HMCN1: variants seen among roughly 807,000 people sequenced by gnomAD.
HMCN1 encodes hemicentin 1.
In HMCN1, 321 loss-of-function variants were observed where a neutral mutation model predicts 625.9. The observed-to-expected ratio is 0.51, with a 90% CI of 0.47 to 0.56. The LOEUF is 0.56. Ranked by LOEUF, HMCN1 falls within the 20% of genes least tolerant of loss-of-function variation. The pLI is 0.00. For missense variants in HMCN1, 6,588 were observed against 6,887.3 expected (o/e 0.96, Z 1.54); for synonymous variants, 2,425 against 2,417.6 (o/e 1.00, Z -0.09).
At chr1:185,880,768 G>C (rs1258305532) in intron 4 of HMCN1, among the ~76,000 whole-genome samples, 1 of 152,350 alleles carries the variant, frequency 6.6e-6, no homozygotes, top group East Asian at 1.9e-4. Context: ...GTTGGGATTT[G>C]GACCAGAAGA....
chr1:185,813,243 T>C (rs1291238990), intron 1 of HMCN1, among the ~76,000 whole-genome samples: 2 of 152,128 alleles, frequency 1.3e-5, no homozygotes, highest in Non-Finnish European at 2.9e-5. Flanking sequence ...GGAAACAGGG[T>C]AAATTAATGT....
chr1:186,046,308 A>C (rs924736493), intron 41 of HMCN1, among the ~76,000 whole-genome samples: 1 of 152,112 alleles, frequency 6.6e-6, no homozygotes, highest in Non-Finnish European at 1.5e-5. Flanking sequence ...GTCTCTACTA[A>C]AAACACAAAA....
chr1:185,845,728 A>T (rs1661771133), intron 1 of HMCN1, among the ~76,000 whole-genome samples: 1 of 152,226 alleles, frequency 6.6e-6, no homozygotes, highest in South Asian at 2.1e-4. Flanking sequence ...ATAAATATTT[A>T]CTGACGAGAA....
intron 2 of HMCN1, among the ~76,000 whole-genome samples, chr1:185,848,394 A>G (rs961880811): frequency 6.6e-5 from 10 of 151,928 alleles, no homozygotes; most frequent in Non-Finnish European, 1.3e-4. Context: ...TCCATGTTTC[A>G]TTTTTTAATC....
At chr1:185,858,546 AC>A in intron 2 of HMCN1, among the ~76,000 whole-genome samples, 1 of 105,080 alleles carries the variant, frequency 9.5e-6, no homozygotes, top group African/African-American at 5.9e-5. Flanking sequence ...AGCTGGGACC[AC>A]GTGCCAGCTA....
At chr1:186,140,694 T>A (rs1649902073) in intron 89 of HMCN1, among the ~76,000 whole-genome samples, 2 of 152,192 alleles carry the variant, frequency 1.3e-5, no homozygotes. Context: ...TTGAATCAGT[T>A]ATTACTATGA....
At chr1:186,028,685 CT>C (rs1558156510) in intron 36 of HMCN1, among the ~76,000 whole-genome samples, 1 of 150,704 alleles carries the variant, frequency 6.6e-6, no homozygotes, top group Non-Finnish European at 1.5e-5. Context: ...TAGCTTTCCT[CT>C]TTTAGTTACT....
intron 12 of HMCN1, among the ~76,000 whole-genome samples, chr1:185,963,336 A>C (rs1268581431): frequency 6.6e-6 from 1 of 152,090 alleles, no homozygotes; most frequent in Non-Finnish European, 1.5e-5. Flanking sequence ...GAGACATTAC[A>C]TCTCTAAGGT....
intron 1 of HMCN1, among the ~76,000 whole-genome samples, chr1:185,746,045 A>G (rs758000045): frequency 2.6e-5 from 4 of 152,252 alleles, no homozygotes; most frequent in South Asian, 4.1e-4. Context: ...AGTTTTAAGC[A>G]GGAGAAGTTG....
intron 11 of HMCN1, among the ~76,000 whole-genome samples, chr1:185,959,536 T>G (rs1193215337): frequency 1.3e-5 from 2 of 152,152 alleles, no homozygotes; most frequent in African/African-American, 4.8e-5. Context: ...TATAATTAAA[T>G]AAAAAGCAAA....
chr1:185,825,287 G>A (rs1660446599), intron 1 of HMCN1, among the ~76,000 whole-genome samples: 2 of 152,088 alleles, frequency 1.3e-5, no homozygotes, highest in African/African-American at 2.4e-5. Context: ...AATAGCAAAG[G>A]TCTTCACTTT....
rs1650098021 is a variant in HMCN1 at position 185,962,525 on chromosome 1, C to G, written c.1836C>G (p.Pro612=). ...ASVFLTVQEP[P]KVTVMPKNQS... is the part of the protein sequence containing the mutation. The stretch of plus-strand genomic sequence containing the variant: ...GTATATTTTTATTTGCAGAACCACC[C>G]AAAGTCACTGTGATGCCCAAGAATC... Residue 612 remains proline (P), a synonymous_variant, in exon 12 of 107, where the codon CCC becomes CCG. Coordinates refer to ENST00000271588, the MANE Select transcript of HMCN1 (RefSeq NM_031935.3). 1 of 1,613,164 alleles carries G rather than the reference C, an allele frequency of 6.2e-7. No homozygotes were observed. Among genetic ancestry groups the G allele is most frequent in the Non-Finnish European group, 8.5e-7 (1 of 1,179,232 alleles).
chr1:186,121,045 G>C (rs1661373516), intron 80 of HMCN1, among the ~76,000 whole-genome samples: 1 of 152,186 alleles, frequency 6.6e-6, no homozygotes, highest in African/African-American at 2.4e-5. Flanking sequence ...ACCCCTGAAT[G>C]ATGAGCTAGG....
chr1:185,912,547 A>G (rs957949874), intron 6 of HMCN1, among the ~76,000 whole-genome samples: 6 of 152,114 alleles, frequency 3.9e-5, no homozygotes, highest in African/African-American at 9.7e-5. Flanking sequence ...CCACTGTGGC[A>G]GATGCCCTGA....
intron 97 of HMCN1, among the ~76,000 whole-genome samples, chr1:186,157,928 T>G (rs1164772504): frequency 6.6e-6 from 1 of 152,172 alleles, no homozygotes; most frequent in Admixed American, 6.5e-5. Context: ...TATAGCAGCA[T>G]CATTTATAGT....
chr1:186,001,644 G>A lies in HMCN1; in HGVS notation c.4251G>A (p.Lys1417=), dbSNP rs1430343760. ...IQTVNNGKIL[K]LFRATPEDAG... ...CTGTGAACAATGGGAAGATACTGAAGCTCTTCAGAGCCACTCCAGAGGATG... is the reference window on the plus strand; with the variant it reads ...CTGTGAACAATGGGAAGATACTGAAACTCTTCAGAGCCACTCCAGAGGATG... The change falls in exon 28 of 107, where the codon AAG becomes AAA. Residue 1417 remains lysine, a synonymous_variant. Coordinates refer to ENST00000271588, the MANE Select transcript of HMCN1 (RefSeq NM_031935.3). The A allele has an allele frequency of 6.8e-6, 11 of 1,613,062 alleles. 1 individual carries two copies. In the East Asian group the frequency reaches 2.5e-4, roughly 36 times the overall value.
In HMCN1 at chr1:185,965,391, G is replaced by T. The variant is rs148154326; in HGVS notation, c.2099-411G>T. ...TCCTCAAGTCTTAATTTAGCTGTCA[G>T]TCTTACCATTATCCCTCTTTTGACT... On this transcript the variant is annotated intron_variant, in intron 13 of 106. Transcript: ENST00000271588. Among the ~76,000 whole-genome samples the T allele has an allele frequency of 7.9e-3, 1,208 of 152,084 alleles. 25 individuals are homozygous for T. Among genetic ancestry groups the T allele is most frequent in the African/African-American group, 0.028 (1,152 of 41,518 alleles).
At chr1:185,994,665 CCTAG>C in intron 23 of HMCN1, 146 bp from the exon 24 acceptor site, 1 of 741,892 alleles carries the variant, frequency 1.3e-6, no homozygotes, top group East Asian at 2.7e-5. Context: ...TCCTAGATCA[CCTAG>C]CTAGTGAATG....
chr1:186,144,818 G>A, intron 91 of HMCN1, 115 bp downstream of exon 91: 1 of 1,236,702 alleles, frequency 8.1e-7, no homozygotes, highest in South Asian at 1.3e-5. Flanking sequence ...GGTTTAGGAT[G>A]TCAGAATGTT....
Sources: gnomAD v4.1 joint callset for allele counts (sites outside exome capture counted in the v4.1 genomes callset) on GRCh38, gnomAD v4.1.1 for gene constraint, MANE v1.5 for transcripts, NCBI Gene and HGNC (gene_info 2026-07-23, HGNC 2026-07-21) for gene names.